The following GRIK4 variants were observed in gnomAD, a reference collection of about 807,000 sequenced individuals.
The protein encoded by GRIK4 is glutamate receptor ionotropic, kainate 4.
GRIK4 carries 40 observed loss-of-function variants against 104.9 expected under a neutral mutation model. The observed-to-expected ratio is 0.38, with a 90% confidence interval of 0.30 to 0.50. GRIK4 has a LOEUF of 0.50. GRIK4 is among the 20% of genes least tolerant of loss of function. GRIK4 has a pLI of 0.93. For missense variants in GRIK4, 1,047 were observed against 1,308.1 expected (o/e 0.80, Z 3.08); for synonymous variants, 485 against 524.9 (o/e 0.92, Z 1.04).
At chr11:120,623,369 G>A (rs1298782650) in intron 1 of GRIK4, among the ~76,000 whole-genome samples, 3 of 152,132 alleles carry the variant, frequency 2.0e-5, no homozygotes, top group Non-Finnish European at 4.4e-5. Context: ...CTGGGCTCAA[G>A]TGATCCTCCC....
intron 1 of GRIK4, among the ~76,000 whole-genome samples, chr11:120,580,601 C>G (rs1211987845): frequency 6.6e-6 from 1 of 151,204 alleles, no homozygotes; most frequent in African/African-American, 2.4e-5. Context: ...CAGGGTTTTG[C>G]TCTGTCATCC....
At chr11:120,716,818 G>A (rs1321539193) in intron 3 of GRIK4, among the ~76,000 whole-genome samples, 2 of 152,084 alleles carry the variant, frequency 1.3e-5, no homozygotes, top group Admixed American at 6.5e-5. Flanking sequence ...AGCTGCCACC[G>A]CTCTGCTCAT....
At chr11:120,901,314 TGCATCCTGCCGCTC>T in intron 12 of GRIK4, among the ~76,000 whole-genome samples, 3 of 10,420 alleles carry the variant, frequency 2.9e-4, no homozygotes, top group African/African-American at 1.5e-3. Flanking sequence ...ACCTGCTCGC[TGCATCCTGCCGCTC>T]GCTGCATCCT....
Position 120,662,314 on chromosome 11 carries a change from G to T in GRIK4, c.82+1914G>T, listed in dbSNP as rs1323687991. 6.8e-4 allele frequency among the ~76,000 whole-genome samples: 103 copies of T among 152,176 alleles called. 1 individual carries two copies. Among genetic ancestry groups the T allele is most frequent in the Admixed American group, 6.7e-3 (103 of 15,278 alleles). On this transcript the variant is annotated intron_variant, in intron 3 of 20. Transcript: ENST00000527524. ...CACTTCCAGCCGCTTTCCAGCCAGGGGCCCTGCTGGCTGGCAAGGTCAAAC... is the reference window on the plus strand; with the variant it reads ...CACTTCCAGCCGCTTTCCAGCCAGGTGCCCTGCTGGCTGGCAAGGTCAAAC...
chr11:120,701,147 T>C (rs770729616), intron 3 of GRIK4, among the ~76,000 whole-genome samples: 29 of 152,240 alleles, frequency 1.9e-4, no homozygotes, highest in Non-Finnish European at 2.9e-4. Context: ...CGTATCCCAT[T>C]GTTAAGCAAT....
intron 11 of GRIK4, among the ~76,000 whole-genome samples, chr11:120,880,388 TC>T (rs1337675710): frequency 2.0e-5 from 3 of 152,190 alleles, no homozygotes; most frequent in African/African-American, 7.2e-5. Context: ...AGCTATTCTG[TC>T]AGCTTGTAGG....
chr11:120,811,992 C>G (rs964638600), intron 4 of GRIK4, among the ~76,000 whole-genome samples: 7 of 152,182 alleles, frequency 4.6e-5, no homozygotes, highest in Non-Finnish European at 1.0e-4. Context: ...GGGGCACACT[C>G]CGATCTACGT....
chr11:120,625,365 C>T (rs896613828), intron 1 of GRIK4, among the ~76,000 whole-genome samples: 16 of 152,006 alleles, frequency 1.1e-4, no homozygotes, highest in Non-Finnish European at 1.0e-4. Context: ...GATGAGCACC[C>T]GGCCGGAAAG....
In GRIK4 at chr11:120,700,264, CTTTTTT is replaced by C. The variant is rs34617192; in HGVS notation, c.82+39880_82+39885del. On this transcript the variant is annotated intron_variant, in intron 3 of 20. Transcript: ENST00000527524. ...AAGTTCCTATAAGATTATATTACTA[CTTTTTT>C]TTTTTTTTTTTTTTTGAGATGGAGT... is the stretch of plus-strand genomic sequence containing the variant. Among the ~76,000 whole-genome samples the C allele has an allele frequency of 3.4e-5, 4 of 118,238 alleles. No homozygotes were observed. The East Asian group carries it at 7.1e-4, about 21-fold the overall frequency. 77.6% of individuals were successfully genotyped at this position (118,238 alleles called of 152,430 possible).
intron 3 of GRIK4, among the ~76,000 whole-genome samples, chr11:120,678,725 C>G (rs1438530802): frequency 6.6e-6 from 1 of 152,044 alleles, no homozygotes; most frequent in Admixed American, 6.5e-5. Context: ...CCTCCACCCA[C>G]CGGGTTCAAG....
At chr11:120,883,264 G>A (rs1224313951) in intron 11 of GRIK4, among the ~76,000 whole-genome samples, 1 of 152,282 alleles carries the variant, frequency 6.6e-6, no homozygotes, top group East Asian at 1.9e-4. Flanking sequence ...CCAGAGCCCT[G>A]GGGACCTGAG....
chr11:120,701,951 CTTTTTTTTTTTTT>C lies in GRIK4; in HGVS notation c.82+41562_82+41574del, dbSNP rs34068640. ...GAGACAGATCAAGGGTGATTCCAAG[CTTTTTTTTTTTTT>C]TTTTTTTTTTGAGATGGAGCTTCAC... On this transcript the variant is annotated intron_variant, in intron 3 of 20. Coordinates refer to ENST00000527524, the MANE Select transcript of GRIK4 (RefSeq NM_014619.5). 2.5e-4 allele frequency among the ~76,000 whole-genome samples: 23 copies of C among 92,094 alleles called. No individual in the cohort carries two copies. The East Asian group carries it at 2.8e-3, about 11-fold the overall frequency. The allele number at this position is 92,094 out of a possible 152,430, so 60.4% of individuals were successfully genotyped here.
chr11:120,839,591 C>G (rs1322815575), intron 8 of GRIK4, among the ~76,000 whole-genome samples: 1 of 152,184 alleles, frequency 6.6e-6, no homozygotes, highest in Non-Finnish European at 1.5e-5. Context: ...TTATTTTGCT[C>G]CCCAGCCATG....
At chr11:120,885,652 T>G (rs1955099044) in intron 11 of GRIK4, among the ~76,000 whole-genome samples, 1 of 152,192 alleles carries the variant, frequency 6.6e-6, no homozygotes, top group Non-Finnish European at 1.5e-5. Context: ...CCCAAAGTGC[T>G]GGGATTACAG....
intron 8 of GRIK4, among the ~76,000 whole-genome samples, chr11:120,851,608 C>T (rs144032490): frequency 2.4e-3 from 364 of 152,190 alleles, no homozygotes; most frequent in African/African-American, 8.3e-3. Flanking sequence ...AGGAGACACT[C>T]ATGTTTTTGT....
intron 1 of GRIK4, among the ~76,000 whole-genome samples, chr11:120,601,502 C>T (rs946595266): frequency 5.3e-5 from 8 of 152,184 alleles, no homozygotes; most frequent in African/African-American, 1.7e-4. Context: ...ACATTAGTGG[C>T]TGTTTGTTTA....
chr11:120,779,110 C>T (rs138085407), intron 3 of GRIK4, among the ~76,000 whole-genome samples: 2 of 152,162 alleles, frequency 1.3e-5, no homozygotes, highest in East Asian at 1.9e-4. Context: ...GGCAGGACTG[C>T]GAGAAAGATG....
chr11:120,637,894 T>C (rs1185243621), intron 1 of GRIK4, among the ~76,000 whole-genome samples: 2 of 152,062 alleles, frequency 1.3e-5, no homozygotes, highest in Non-Finnish European at 2.9e-5. Flanking sequence ...TTATTATTAT[T>C]ATTGAGAGGG....
chr11:120,879,461 A>T (rs565847988), intron 11 of GRIK4, among the ~76,000 whole-genome samples: 1 of 152,374 alleles, frequency 6.6e-6, no homozygotes, highest in South Asian at 2.1e-4. Context: ...TGCAATTGGT[A>T]AAACGTCTGA....
Sources: allele counts gnomAD v4.1 joint callset (sites outside exome capture counted in the v4.1 genomes callset), GRCh38; gene constraint gnomAD v4.1.1; transcripts MANE v1.5; gene names NCBI Gene and HGNC (gene_info 2026-07-23, HGNC 2026-07-21).